Variants in FAM184A observed in about 807,000 individuals in gnomAD.
FAM184A encodes family with sequence similarity 184 member A, also known as protein FAM184A.
Under a neutral mutation model 143.8 loss-of-function variants are expected in FAM184A, and 99 were observed. The observed-to-expected ratio is 0.69, with a 90% CI of 0.58 to 0.81. The LOEUF is 0.81. Ranked by LOEUF, FAM184A falls within the 40% of genes least tolerant of loss-of-function variation. FAM184A has a pLI of 0.00. For missense variants in FAM184A, 1,217 were observed against 1,310.5 expected, an observed-to-expected ratio of 0.93 and a Z score of 1.10; for synonymous variants, 427 against 446.4, an observed-to-expected ratio of 0.96 and a Z score of 0.55.
At chr6:119,005,976 C>T (rs940512439) in intron 7 of FAM184A, 10 of 619,178 alleles carry the variant, frequency 1.6e-5, no homozygotes, top group Admixed American at 8.7e-5. Flanking sequence ...AAAGATATAC[C>T]GAAGTCCTAC....
intron 1 of FAM184A, among the ~76,000 whole-genome samples, chr6:119,063,441 C>T (rs961671312): frequency 3.3e-5 from 5 of 152,172 alleles, no homozygotes; most frequent in Non-Finnish European, 7.3e-5. Context: ...GGCAGTTAGT[C>T]TTACTGGTTT....
At chr6:119,044,012 G>T (rs1786436219) in intron 1 of FAM184A, among the ~76,000 whole-genome samples, 1 of 152,068 alleles carries the variant, frequency 6.6e-6, no homozygotes, top group Non-Finnish European at 1.5e-5. Flanking sequence ...ATTAGAGTAG[G>T]TATAAATGAA....
At chr6:118,982,583 G>A (rs1383700771) in intron 9 of FAM184A, among the ~76,000 whole-genome samples, 1 of 152,236 alleles carries the variant, frequency 6.6e-6, no homozygotes, top group Non-Finnish European at 1.5e-5. Flanking sequence ...TTTCTGCTTT[G>A]CACAAAGGTG....
upstream of FAM184A, among the ~76,000 whole-genome samples, chr6:119,082,023 G>A (rs1049367031): frequency 5.3e-5 from 8 of 152,216 alleles, no homozygotes; most frequent in African/African-American, 1.9e-4. Context: ...CAGGATGGTG[G>A]GGGTGGCAGG....
intron 1 of FAM184A, among the ~76,000 whole-genome samples, chr6:119,137,812 G>A (rs1333800837): frequency 2.0e-5 from 3 of 152,264 alleles, no homozygotes; most frequent in South Asian, 4.1e-4. Flanking sequence ...CGATGTCTAC[G>A]TGCCAGGCTG....
chr6:119,045,143 C>T (rs1786478637), intron 1 of FAM184A, among the ~76,000 whole-genome samples: 1 of 152,160 alleles, frequency 6.6e-6, no homozygotes. Context: ...CCAAAAGTGA[C>T]ATTCCTTCCC....
At position 119,085,088 on chromosome 6, in the gene FAM184A, T is replaced by C. The variant is rs143258856; in HGVS notation, c.-201-60275A>G. Among the ~76,000 whole-genome samples the C allele has an allele frequency of 3.4e-3, 525 of 152,388 alleles. 3 individuals carry two copies. Among genetic ancestry groups the C allele is most frequent in the African/African-American group, 0.012 (508 of 41,598 alleles). On this transcript the variant is annotated intron_variant, in intron 1 of 16. Coordinates refer to the FAM184A transcript ENST00000352896. ...CTTGGCTATCAGCATTTGCTTTTCT[T>C]TTCATTATGCACATTTCTGTGGCCT...
chr6:119,102,004 C>G (rs959468135), intron 1 of FAM184A, among the ~76,000 whole-genome samples: 1 of 151,546 alleles, frequency 6.6e-6, no homozygotes, highest in Non-Finnish European at 1.5e-5. Flanking sequence ...TGCAGTGAGC[C>G]GAGATCATAC....
intron 1 of FAM184A, among the ~76,000 whole-genome samples, chr6:119,137,004 A>C (rs1325791709): frequency 1.3e-5 from 2 of 152,240 alleles, no homozygotes; most frequent in Non-Finnish European, 2.9e-5. Context: ...ATTTTGCTGT[A>C]ATCTTCTTAT....
In FAM184A at chr6:118,961,793, T is replaced by A; in HGVS notation, c.3309A>T (p.Pro1103=). 1 of 1,613,862 alleles carries A rather than the reference T, an allele frequency of 6.2e-7. No homozygotes were observed. Among genetic ancestry groups the A allele is most frequent in the Non-Finnish European group, 8.5e-7 (1 of 1,179,830 alleles). ...EFNSSKPLPQ[P]VPPKGPKTFL... ...ATGTCTTGGGCCCTTTAGGTGGCAC[T>A]GGCTGTGGAAGTGGTTTGCTGCTGT... Residue 1103 remains proline (P), a synonymous_variant, in exon 17 of 18, where the codon CCA becomes CCT. Transcript: ENST00000338891.
chr6:119,092,555 C>T (rs1027609767), intron 1 of FAM184A, among the ~76,000 whole-genome samples: 3 of 152,122 alleles, frequency 2.0e-5, no homozygotes, highest in East Asian at 3.9e-4. Flanking sequence ...TATCCATCAC[C>T]TTTATCAATG....
chr6:119,047,535 T>G (rs1010488449), intron 1 of FAM184A, among the ~76,000 whole-genome samples: 2 of 152,076 alleles, frequency 1.3e-5, no homozygotes, highest in Non-Finnish European at 2.9e-5. Flanking sequence ...ATTGCAAAGA[T>G]GAAGGGGACG....
intron 1 of FAM184A, among the ~76,000 whole-genome samples, chr6:119,141,488 TA>T (rs1352796202): frequency 2.0e-5 from 3 of 152,160 alleles, no homozygotes; most frequent in Non-Finnish European, 4.4e-5. Flanking sequence ...TATTTTATTT[TA>T]TTTTATTTTT....
intron 1 of FAM184A, among the ~76,000 whole-genome samples, chr6:119,036,761 A>T (rs1296235891): frequency 6.6e-6 from 1 of 152,244 alleles, no homozygotes; most frequent in African/African-American, 2.4e-5. Context: ...CTCAAAATAG[A>T]CCTGCTCAAA....
chr6:119,120,596 G>A (rs933571125), intron 1 of FAM184A, among the ~76,000 whole-genome samples: 1 of 152,104 alleles, frequency 6.6e-6, no homozygotes, highest in African/African-American at 2.4e-5. Context: ...TAAAGTGGCT[G>A]TACTATTTTA....
At chr6:119,118,329 C>G (rs1789116382) in intron 1 of FAM184A, among the ~76,000 whole-genome samples, 1 of 152,034 alleles carries the variant, frequency 6.6e-6, no homozygotes, top group African/African-American at 2.4e-5. Context: ...TTAAATAAGA[C>G]AATATATATA....
At chr6:119,066,213 T>C (rs1191150589) in intron 1 of FAM184A, among the ~76,000 whole-genome samples, 1 of 152,146 alleles carries the variant, frequency 6.6e-6, no homozygotes, top group East Asian at 1.9e-4. Flanking sequence ...GCAACACAAA[T>C]GTACTAACCT....
chr6:118,965,860 C>T (rs1037922163), intron 15 of FAM184A, among the ~76,000 whole-genome samples: 4 of 152,186 alleles, frequency 2.6e-5, no homozygotes, highest in Admixed American at 2.6e-4. Flanking sequence ...AGTTTCAATA[C>T]ATTTACTATG....
At chr6:119,126,564 T>C (rs760786284) in intron 1 of FAM184A, among the ~76,000 whole-genome samples, 4 of 152,210 alleles carry the variant, frequency 2.6e-5, no homozygotes, top group Non-Finnish European at 4.4e-5. Context: ...CAAAACTCTG[T>C]GCAGGCCCCA....
Sources: gnomAD v4.1 joint callset for allele counts (sites outside exome capture counted in the v4.1 genomes callset) on GRCh38, gnomAD v4.1.1 for gene constraint, MANE v1.5 for transcripts, NCBI Gene and HGNC (gene_info 2026-07-23, HGNC 2026-07-21) for gene names.